Variants in RANBP2 observed in about 807,000 individuals in gnomAD.
The protein encoded by RANBP2 is E3 SUMO-protein ligase RanBP2.
In RANBP2, 57 loss-of-function variants were observed where a neutral mutation model predicts 303.6. The observed-to-expected ratio is 0.19, with a 90% CI of 0.15 to 0.23. RANBP2 has a LOEUF of 0.23. Ranked by LOEUF, RANBP2 falls within the 10% of genes least tolerant of loss-of-function variation. The pLI is 1.00. For synonymous variants in RANBP2, 1,167 were observed against 1,301.5 expected, an observed-to-expected ratio of 0.90 and a Z score of 2.23; for missense variants, 3,138 against 3,780.8, an observed-to-expected ratio of 0.83 and a Z score of 4.46.
the RANBP2 span, among the ~76,000 whole-genome samples, chr2:109,080,630 C>T: frequency 6.6e-6 from 1 of 152,096 alleles, no homozygotes; most frequent in Non-Finnish European, 1.5e-5. Flanking sequence ...AGATAGTGAC[C>T]AACCTTTCAA....
chr2:109,433,984 C>T, the RANBP2 span, among the ~76,000 whole-genome samples: 1 of 152,172 alleles, frequency 6.6e-6, no homozygotes, highest in Non-Finnish European at 1.5e-5. Flanking sequence ...GTGACTTGCC[C>T]AGTGTGCGCA....
At chr2:109,112,244 C>G in the RANBP2 span, among the ~76,000 whole-genome samples, 2 of 152,166 alleles carry the variant, frequency 1.3e-5, no homozygotes, top group Non-Finnish European at 1.5e-5. Context: ...TTGACAGTCC[C>G]ACCCACAGTG....
At chr2:109,260,681 G>A in the RANBP2 span, among the ~76,000 whole-genome samples, 2 of 152,120 alleles carry the variant, frequency 1.3e-5, no homozygotes, top group African/African-American at 2.4e-5. Flanking sequence ...TGGGAGAAGC[G>A]GCCTGCAGAG....
chr2:108,755,052 A>G lies in RANBP2; in HGVS notation c.2350A>G (p.Arg784Gly). Reference sequence around the variant, plus strand: ...AAAACATTCTACACCGTCTCCTACCAGATATTCACTATCACCAAGTAAAAG... The same window carrying G: ...AAAACATTCTACACCGTCTCCTACCGGATATTCACTATCACCAAGTAAAAG... ...EIKHSTPSPT[R>G]YSLSPSKSYK... is the part of the protein sequence containing the mutation. The change falls in exon 16 of 29, where the codon AGA (arginine) becomes GGA (glycine). Residue 784 changes from arginine (R) to glycine (G), a missense_variant. Physicochemically the swap from Arg to Gly is moderately radical, Grantham distance 125. This residue lies in a region of RANBP2 where 194 missense variants were observed against 197.4 expected (regional missense o/e 0.98). Coordinates refer to ENST00000283195, the MANE Select transcript of RANBP2 (RefSeq NM_006267.5). The G allele has an allele frequency of 6.2e-7, 1 of 1,611,984 alleles. No homozygotes were observed. Among genetic ancestry groups the G allele is most frequent in the East Asian group, 2.2e-5 (1 of 44,850 alleles).
the RANBP2 span, among the ~76,000 whole-genome samples, chr2:109,101,276 C>G: frequency 6.6e-5 from 10 of 152,108 alleles, no homozygotes; most frequent in Non-Finnish European, 1.2e-4. Context: ...CCTGTAATCC[C>G]AGCACTTTGA....
chr2:109,421,161 G>A, the RANBP2 span, among the ~76,000 whole-genome samples: 49 of 152,338 alleles, frequency 3.2e-4, no homozygotes, highest in African/African-American at 1.1e-3. Flanking sequence ...TTGGATGCAG[G>A]ATGCTATCTG....
the RANBP2 span, among the ~76,000 whole-genome samples, chr2:109,557,927 G>T: frequency 1.3e-4 from 19 of 150,650 alleles, no homozygotes; most frequent in African/African-American, 4.4e-4. Flanking sequence ...CAAGTAGCTG[G>T]GACTATATGA....
the RANBP2 span, among the ~76,000 whole-genome samples, chr2:109,628,540 A>AAATG: frequency 6.7e-6 from 1 of 150,194 alleles, no homozygotes; most frequent in African/African-American, 2.4e-5. Context: ...ATAAATAAAT[A>AAATG]GATTCCCACT....
the RANBP2 span, among the ~76,000 whole-genome samples, chr2:109,339,281 G>T: frequency 7.9e-5 from 12 of 151,756 alleles, no homozygotes; most frequent in East Asian, 1.9e-4. Flanking sequence ...GCTGTTTTTT[G>T]GGGGGGTGGG....
At chr2:109,030,931 G>C in the RANBP2 span, among the ~76,000 whole-genome samples, 1 of 152,102 alleles carries the variant, frequency 6.6e-6, no homozygotes, top group Non-Finnish European at 1.5e-5. Flanking sequence ...TGGTAAAATG[G>C]TTTAATAATT....
chr2:109,676,070 C>T, the RANBP2 span, among the ~76,000 whole-genome samples: 1 of 152,246 alleles, frequency 6.6e-6, no homozygotes, highest in South Asian at 2.1e-4. Context: ...CTCCTTGTAA[C>T]ATCCATCAGT....
chr2:109,450,108 G>T, the RANBP2 span, among the ~76,000 whole-genome samples: 1 of 152,216 alleles, frequency 6.6e-6, no homozygotes, highest in African/African-American at 2.4e-5. Context: ...CACTTTGGGA[G>T]GCTGAGGCGG....
chr2:109,290,070 G>C, the RANBP2 span, among the ~76,000 whole-genome samples: 1 of 152,178 alleles, frequency 6.6e-6, no homozygotes, highest in African/African-American at 2.4e-5. Flanking sequence ...ATTAACCAAG[G>C]AATCTCTCTT....
At chr2:109,195,561 C>G in the RANBP2 span, among the ~76,000 whole-genome samples, 1 of 152,252 alleles carries the variant, frequency 6.6e-6, no homozygotes, top group Non-Finnish European at 1.5e-5. Flanking sequence ...TGCACCTAAC[C>G]CTCGCATGCT....
At chr2:108,983,907 C>T in the RANBP2 span, among the ~76,000 whole-genome samples, 1 of 152,186 alleles carries the variant, frequency 6.6e-6, no homozygotes, top group Non-Finnish European at 1.5e-5. Flanking sequence ...GGAAGGTGTC[C>T]CTCTCTCCAA....
the RANBP2 span, among the ~76,000 whole-genome samples, chr2:109,171,635 G>T: frequency 2.0e-5 from 3 of 152,234 alleles, no homozygotes. Flanking sequence ...GACATTTCCT[G>T]TGCGGGAATG....
the RANBP2 span, among the ~76,000 whole-genome samples, chr2:109,312,592 C>T: frequency 7.1e-6 from 1 of 140,260 alleles, no homozygotes; most frequent in African/African-American, 2.4e-5. Context: ...TGAATTTGCC[C>T]ACTCTGGAGA....
At chr2:109,549,284 GGT>G in the RANBP2 span, among the ~76,000 whole-genome samples, 1 of 152,158 alleles carries the variant, frequency 6.6e-6, no homozygotes, top group Non-Finnish European at 1.5e-5. Flanking sequence ...ATAGCTCTCT[GGT>G]TACTCAAATG....
the RANBP2 span, among the ~76,000 whole-genome samples, chr2:109,346,345 A>G: frequency 2.0e-5 from 3 of 152,312 alleles, no homozygotes; most frequent in East Asian, 1.9e-4. Flanking sequence ...CCAACATGCT[A>G]TTAAGTCCTC....
Sources: allele counts gnomAD v4.1 joint callset (sites outside exome capture counted in the v4.1 genomes callset), GRCh38; gene constraint gnomAD v4.1.1; regional missense constraint gnomAD v4.1.1; transcripts MANE v1.5; gene names NCBI Gene and HGNC (gene_info 2026-07-23, HGNC 2026-07-21).